The following SULF1 variants were observed in gnomAD, a reference collection of about 807,000 sequenced individuals.
SULF1 encodes sulfatase 1.
Under a neutral mutation model 110.5 loss-of-function variants are expected in SULF1, and 46 were observed. The observed-to-expected ratio is 0.42, with a 90% CI of 0.33 to 0.53. The LOEUF is 0.53. SULF1 is among the 20% of genes least tolerant of loss of function. The pLI is 0.12. For missense variants in SULF1, 941 were observed against 1,094.2 expected (o/e 0.86, Z 1.98); for synonymous variants, 371 against 387.1 (o/e 0.96, Z 0.49).
chr8:69,494,663 C>T (rs1196578163), intron 1 of SULF1, among the ~76,000 whole-genome samples: 1 of 152,094 alleles, frequency 6.6e-6, no homozygotes, highest in Non-Finnish European at 1.5e-5. Context: ...AAGGCAAACT[C>T]AATCATAATA....
intron 5 of SULF1, among the ~76,000 whole-genome samples, chr8:69,569,885 T>C (rs1459618025): frequency 1.3e-5 from 2 of 151,284 alleles, no homozygotes; most frequent in Non-Finnish European, 2.9e-5. Context: ...CATCTTTTTT[T>C]TTTCTTGCCA....
intron 15 of SULF1, among the ~76,000 whole-genome samples, chr8:69,626,851 T>C (rs1031536576): frequency 1.3e-5 from 2 of 152,142 alleles, no homozygotes; most frequent in Non-Finnish European, 2.9e-5. Context: ...TTCGCGCCTC[T>C]CCCTCCACAC....
intron 8 of SULF1, among the ~76,000 whole-genome samples, chr8:69,596,720 C>T (rs7001807): frequency 0.079 from 12,044 of 152,116 alleles, 1,069 homozygotes; most frequent in East Asian, 0.18. Flanking sequence ...ATTTCTGAGC[C>T]ACCTCTGTGC....
rs545187037 is a variant in SULF1 at position 69,549,927 on chromosome 8, G to T, written c.-133-13612G>T. On this transcript the variant is annotated intron_variant, in intron 3 of 22. Coordinates refer to ENST00000402687, the MANE Select transcript of SULF1 (RefSeq NM_001128205.2). ...CCCAGCAACAACTCTTTGTTTTACT[G>T]AGTTCTGAGGGTTCCCCTTCTGTTT... 2.6e-5 allele frequency among the ~76,000 whole-genome samples: 4 copies of T among 151,946 alleles called. No homozygotes were observed. In the South Asian group the frequency reaches 8.3e-4, roughly 32 times the overall value.
intron 3 of SULF1, among the ~76,000 whole-genome samples, chr8:69,545,847 G>T (rs548259922): frequency 3.4e-4 from 51 of 152,176 alleles, no homozygotes; most frequent in African/African-American, 1.1e-3. Context: ...CTTTTGTTTT[G>T]TTTTGTTATG....
At chr8:69,524,969 T>G (rs1320750973) in intron 3 of SULF1, among the ~76,000 whole-genome samples, 2 of 152,214 alleles carry the variant, frequency 1.3e-5, no homozygotes, top group African/African-American at 2.4e-5. Context: ...GGGCAGTGGA[T>G]AGCTTTATAA....
intron 13 of SULF1, among the ~76,000 whole-genome samples, chr8:69,611,829 A>G (rs1226958396): frequency 2.0e-5 from 3 of 152,180 alleles, no homozygotes. Context: ...CCTTTGAAAA[A>G]GTTGTACACA....
intron 3 of SULF1, among the ~76,000 whole-genome samples, chr8:69,561,655 G>A (rs1354985092): frequency 2.0e-5 from 3 of 152,134 alleles, no homozygotes; most frequent in South Asian, 2.1e-4. Context: ...ATCAGCAGGG[G>A]TTCATTTACA....
At chr8:69,639,049 C>T (rs1397579367) in intron 21 of SULF1, among the ~76,000 whole-genome samples, 191 bp downstream of exon 21, 1 of 152,168 alleles carries the variant, frequency 6.6e-6, no homozygotes, top group African/African-American at 2.4e-5. Flanking sequence ...AAAGCTTAAT[C>T]CACCAAAAGA....
chr8:69,580,570 C>T (rs1805994650), intron 6 of SULF1, among the ~76,000 whole-genome samples: 2 of 152,066 alleles, frequency 1.3e-5, no homozygotes, highest in Non-Finnish European at 1.5e-5. Flanking sequence ...TCTTTCTTGT[C>T]CAAAGTTACA....
chr8:69,637,219 A>G (rs902422152), intron 19 of SULF1, among the ~76,000 whole-genome samples: 4 of 152,198 alleles, frequency 2.6e-5, no homozygotes, highest in Admixed American at 2.0e-4. Flanking sequence ...ATGTAGCTGT[A>G]AGAGGATCAG....
chr8:69,609,785 T>C (rs2130460637), intron 13 of SULF1, among the ~76,000 whole-genome samples: 1 of 152,334 alleles, frequency 6.6e-6, no homozygotes, highest in African/African-American at 2.4e-5. Flanking sequence ...GCTTTAGAGA[T>C]GCTTATGTTT....
At chr8:69,600,109 T>C (rs1021762519) in intron 8 of SULF1, among the ~76,000 whole-genome samples, 1 of 152,112 alleles carries the variant, frequency 6.6e-6, no homozygotes. Context: ...ATGTAAGTAA[T>C]CAATAAAATA....
At chr8:69,562,599 T>G (rs962510670) in intron 3 of SULF1, among the ~76,000 whole-genome samples, 1 of 152,174 alleles carries the variant, frequency 6.6e-6, no homozygotes, top group Non-Finnish European at 1.5e-5. Flanking sequence ...GAGAAAAGCT[T>G]TCAGCAGGTT....
At chr8:69,523,793 A>C (rs1812483812) in intron 3 of SULF1, among the ~76,000 whole-genome samples, 1 of 152,124 alleles carries the variant, frequency 6.6e-6, no homozygotes, top group Non-Finnish European at 1.5e-5. Context: ...TGGGGTTGGC[A>C]TACTAAGAGC....
intron 5 of SULF1, among the ~76,000 whole-genome samples, chr8:69,573,164 G>A (rs1805360336): frequency 6.6e-6 from 1 of 152,152 alleles, no homozygotes; most frequent in East Asian, 1.9e-4. Context: ...TGGTGGAGCT[G>A]TATTCTTAAC....
At chr8:69,577,092 T>C (rs1805661373) in intron 6 of SULF1, among the ~76,000 whole-genome samples, 1 of 152,210 alleles carries the variant, frequency 6.6e-6, no homozygotes, top group African/African-American at 2.4e-5. Flanking sequence ...GATGAAAATA[T>C]TGATTGTGCA....
chr8:69,530,038 T>C (rs1018283886), intron 3 of SULF1, among the ~76,000 whole-genome samples: 5 of 152,220 alleles, frequency 3.3e-5, no homozygotes, highest in African/African-American at 1.2e-4. Context: ...GTCTCATTTT[T>C]CTGCTTTAGG....
intron 13 of SULF1, among the ~76,000 whole-genome samples, chr8:69,618,690 G>A (rs1026450761): frequency 1.3e-5 from 2 of 152,166 alleles, no homozygotes; most frequent in Non-Finnish European, 1.5e-5. Flanking sequence ...GATATGGCTT[G>A]AAACAACCAA....
Sources: allele counts gnomAD v4.1 joint callset (sites outside exome capture counted in the v4.1 genomes callset), GRCh38; gene constraint gnomAD v4.1.1; transcripts MANE v1.5; gene names NCBI Gene and HGNC (gene_info 2026-07-23, HGNC 2026-07-21).